Variants in CDH4 observed in about 807,000 individuals in gnomAD.
CDH4 encodes cadherin 4, also known as cadherin-4.
CDH4 carries 33 observed loss-of-function variants against 86.0 expected under a neutral mutation model. That is an observed-to-expected ratio of 0.38 (90% CI 0.29 to 0.51). The LOEUF (loss-of-function observed/expected upper bound fraction) is 0.51, where lower values mean the gene tolerates loss of function less well. Among genes scored for constraint, CDH4 ranks in the 20% least tolerant of loss-of-function variants. The probability of loss-of-function intolerance (pLI) is 0.86; values close to 1 mark genes in which losing one functional copy is unlikely to be tolerated. For missense variants in CDH4, 1,114 were observed against 1,307.4 expected (o/e 0.85, Z 2.28); for synonymous variants, 555 against 549.4 (o/e 1.01, Z -0.14).
At position 61,287,704 on chromosome 20, in the gene CDH4, A is replaced by C. The variant is rs186342999; in HGVS notation, c.169+32767A>C. ...CCTGGGCCTCTTGCTGGGGTGGTGCACTCAGCATGGAGGCGGGGAGAGAGA... is the reference window on the plus strand; with the variant it reads ...CCTGGGCCTCTTGCTGGGGTGGTGCCCTCAGCATGGAGGCGGGGAGAGAGA... On this transcript the variant is annotated intron_variant, in intron 2 of 15. Coordinates refer to ENST00000614565, the MANE Select transcript of CDH4 (RefSeq NM_001794.5). Among the ~76,000 whole-genome samples the C allele has an allele frequency of 7.9e-5, 12 of 152,104 alleles. No homozygotes were observed. In the East Asian group the frequency reaches 2.3e-3, roughly 30 times the overall value.
At chr20:61,713,326 C>A (rs983866642) in intron 2 of CDH4, among the ~76,000 whole-genome samples, 2 of 152,220 alleles carry the variant, frequency 1.3e-5, no homozygotes, top group Non-Finnish European at 2.9e-5. Flanking sequence ...CCCCCCCAGA[C>A]CTCCTGCAAG....
intron 2 of CDH4, among the ~76,000 whole-genome samples, chr20:61,685,380 C>G (rs1371409900): frequency 6.6e-6 from 1 of 152,212 alleles, no homozygotes; most frequent in African/African-American, 2.4e-5. Context: ...TGCCCCTCCC[C>G]ACAGGCTCAT....
At chr20:61,264,138 C>T (rs527657310) in intron 2 of CDH4, among the ~76,000 whole-genome samples, 4 of 152,300 alleles carry the variant, frequency 2.6e-5, no homozygotes, top group African/African-American at 9.6e-5. Context: ...TTCTGCTGAC[C>T]ACATGCGTGT....
Position 61,263,220 on chromosome 20 carries a change from C to T in CDH4, c.169+8283C>T, listed in dbSNP as rs1007650011. Among the ~76,000 whole-genome samples, 5 of 152,204 alleles carry T rather than the reference C, an allele frequency of 3.3e-5. No individual in the cohort carries two copies. The East Asian group carries it at 5.8e-4, about 18-fold the overall frequency. ...GTCTGGCAAGCTGGGCTGGTAAAATCCTTGGTTTTTCGTCAAAAGGCTCAG... is the reference window on the plus strand; with the variant it reads ...GTCTGGCAAGCTGGGCTGGTAAAATTCTTGGTTTTTCGTCAAAAGGCTCAG... On this transcript the variant is annotated intron_variant, in intron 2 of 15. Transcript: ENST00000614565.
chr20:61,651,913 A>G (rs1262773919), intron 2 of CDH4, among the ~76,000 whole-genome samples: 1 of 152,214 alleles, frequency 6.6e-6, no homozygotes, highest in Non-Finnish European at 1.5e-5. Context: ...CTGGGGTGGA[A>G]GGGAGGCCCT....
intron 2 of CDH4, among the ~76,000 whole-genome samples, chr20:61,306,559 A>G (rs1600852664): frequency 6.6e-6 from 1 of 151,618 alleles, no homozygotes; most frequent in East Asian, 1.9e-4. Context: ...CTGGTCTTAC[A>G]CTCCTGAACT....
At chr20:61,316,668 G>T (rs1480128022) in intron 2 of CDH4, among the ~76,000 whole-genome samples, 3 of 152,240 alleles carry the variant, frequency 2.0e-5, no homozygotes, top group Non-Finnish European at 2.9e-5. Flanking sequence ...TGATCAAACA[G>T]ATTGGTTAAT....
At chr20:61,618,673 C>A (rs965724987) in intron 2 of CDH4, among the ~76,000 whole-genome samples, 2 of 152,182 alleles carry the variant, frequency 1.3e-5, no homozygotes, top group African/African-American at 4.8e-5. Flanking sequence ...TCTCAGAGTT[C>A]GCTGTATCAC....
chr20:61,805,830 C>G (rs1980094834), intron 4 of CDH4, among the ~76,000 whole-genome samples: 1 of 152,234 alleles, frequency 6.6e-6, no homozygotes, highest in Non-Finnish European at 1.5e-5. Context: ...ACAGCCAGAG[C>G]TCCACAAAGC....
At chr20:61,805,122 G>A (rs931336576) in intron 4 of CDH4, among the ~76,000 whole-genome samples, 3 of 152,184 alleles carry the variant, frequency 2.0e-5, no homozygotes, top group African/African-American at 7.2e-5. Context: ...GTGACTCATT[G>A]GCTTTGATGG....
intron 2 of CDH4, among the ~76,000 whole-genome samples, chr20:61,587,363 CT>C (rs1162834916): frequency 1.3e-5 from 2 of 152,156 alleles, no homozygotes; most frequent in African/African-American, 4.8e-5. Flanking sequence ...CCCAGAGCCC[CT>C]GGGACGCCTG....
At chr20:61,771,519 G>A (rs2088775760) in intron 3 of CDH4, among the ~76,000 whole-genome samples, 1 of 151,590 alleles carries the variant, frequency 6.6e-6, no homozygotes, top group Admixed American at 6.6e-5. Context: ...AGCTACTCAG[G>A]AGGCTGAGGC....
In CDH4 at chr20:61,929,752, G is replaced by A. The variant is rs142381224; in HGVS notation, c.2149G>A (p.Gly717Arg). ...CAAGGTGTGCCCATGTGATGACAAC[G>A]GGGACTGCACCACCATTGGCGCAGT... ...KVKVCPCDDN[G>R]DCTTIGAVAA... Residue 717 changes from glycine to arginine, a missense_variant, in exon 13 of 16, where the codon GGG (glycine) becomes AGG (arginine). By Grantham distance (125) the Gly-to-Arg change is moderately radical (BLOSUM62 -2). Transcript: ENST00000614565. 166 of 1,614,056 alleles carry A rather than the reference G, an allele frequency of 1.0e-4. No individual in the cohort carries two copies. The highest frequency in any genetic ancestry group is 1.2e-4 in the Non-Finnish European group (147 of 1,180,044).
intron 2 of CDH4, among the ~76,000 whole-genome samples, chr20:61,739,794 G>A (rs772429591): frequency 2.0e-5 from 3 of 152,258 alleles, no homozygotes; most frequent in Admixed American, 6.5e-5. Context: ...CGCTGCAGAG[G>A]CGAGGGCAGC....
intron 2 of CDH4, among the ~76,000 whole-genome samples, chr20:61,686,129 A>G (rs2087570774): frequency 1.3e-5 from 2 of 152,214 alleles, no homozygotes; most frequent in Non-Finnish European, 2.9e-5. Context: ...CTTTTCTGCC[A>G]AGAGAATGAG....
At chr20:61,542,679 TA>T (rs1385679930) in intron 2 of CDH4, among the ~76,000 whole-genome samples, 3 of 152,242 alleles carry the variant, frequency 2.0e-5, no homozygotes, top group African/African-American at 4.8e-5. Flanking sequence ...GGAATATTTA[TA>T]ATCAGAACTC....
chr20:61,867,999 C>CA (rs1219862542), intron 6 of CDH4, among the ~76,000 whole-genome samples: 1 of 152,244 alleles, frequency 6.6e-6, no homozygotes, highest in Non-Finnish European at 1.5e-5. Context: ...TTGTTGCTTG[C>CA]ATCAGATGTA....
intron 2 of CDH4, among the ~76,000 whole-genome samples, chr20:61,338,094 A>G (rs577201455): frequency 6.6e-6 from 1 of 152,308 alleles, no homozygotes; most frequent in South Asian, 2.1e-4. Context: ...GATCAGAGTC[A>G]TTGAAATCAC....
At chr20:61,543,308 C>A (rs2086054192) in intron 2 of CDH4, among the ~76,000 whole-genome samples, 1 of 152,226 alleles carries the variant, frequency 6.6e-6, no homozygotes. Context: ...AATGTCTATA[C>A]TTGTTATCTC....
Sources: allele counts gnomAD v4.1 joint callset (sites outside exome capture counted in the v4.1 genomes callset), GRCh38; gene constraint gnomAD v4.1.1; transcripts MANE v1.5; gene names NCBI Gene and HGNC (gene_info 2026-07-23, HGNC 2026-07-21).